CKMT2: variants seen among roughly 807,000 people sequenced by gnomAD.
CKMT2 encodes the protein creatine kinase S-type, mitochondrial.
CKMT2 carries 43 observed loss-of-function variants against 48.9 expected under a neutral mutation model. That is an observed-to-expected ratio of 0.88 (90% CI 0.69 to 1.13). The LOEUF (loss-of-function observed/expected upper bound fraction) is 1.13, where lower values mean the gene tolerates loss of function less well. CKMT2 is among the 50% of genes most tolerant of loss of function. The pLI, the probability that CKMT2 is intolerant of heterozygous loss-of-function variation, is 0.00. For synonymous variants in CKMT2, 206 were observed against 213.0 expected (o/e 0.97, Z 0.29); for missense variants, 472 against 555.4 (o/e 0.85, Z 1.51).
chr5:81,263,003 G>T (rs889150660), intron 8 of CKMT2, among the ~76,000 whole-genome samples: 1 of 152,212 alleles, frequency 6.6e-6, no homozygotes, highest in East Asian at 1.9e-4. Context: ...CCATAAAAAA[G>T]GATGAGTTCA....
chr5:81,252,578 T>A, intron 2 of CKMT2, 117 bp from the exon 3 acceptor site: 1 of 1,010,480 alleles, frequency 9.9e-7, no homozygotes, highest in Non-Finnish European at 1.5e-6. Flanking sequence ...TAGCCAAGTA[T>A]CCCTGTGCCC....
rs539493361 is a variant in CKMT2, at chr5:81,251,024, G to A, written c.-20-89G>A. On this transcript the variant is annotated intron_variant, in intron 1 of 9. Coordinates refer to ENST00000254035, the MANE Select transcript of CKMT2 (RefSeq NM_001099735.2). ...AGAGACACCGGAAAGAGAGGCTATG[G>A]CTCCTGCAGTTCTCTTGCCCATTGA... 8.0e-6 allele frequency: 7 copies of A among 870,608 alleles called. No homozygotes were observed. In the East Asian group the frequency reaches 1.5e-4, roughly 19 times the overall value. 53.9% of individuals were successfully genotyped at this position (870,608 alleles called of 1,614,324 possible).
chr5:81,260,387 G>A (rs6872504), intron 8 of CKMT2, among the ~76,000 whole-genome samples: 16,756 of 152,038 alleles, frequency 0.11, 1,017 homozygotes, highest in African/African-American at 0.14. Context: ...AACTGAAGGA[G>A]ATAGAGACAC....
At chr5:81,259,354 C>A in intron 8 of CKMT2, 100 bp downstream of exon 8, 1 of 1,022,608 alleles carries the variant, frequency 9.8e-7, no homozygotes, top group Non-Finnish European at 1.3e-6. Flanking sequence ...TTAACCCTTA[C>A]TTTCTCTATC....
intron 9 of CKMT2, among the ~76,000 whole-genome samples, chr5:81,263,928 T>A (rs1030039733): frequency 1.3e-5 from 2 of 152,348 alleles, no homozygotes; most frequent in East Asian, 3.9e-4. Flanking sequence ...GCTAAAGGAC[T>A]GCAGTTTTTT....
At chr5:81,251,325 G>GT (rs776537512) in intron 2 of CKMT2, 41 bp downstream of exon 2, 3 of 1,602,210 alleles carry the variant, frequency 1.9e-6, no homozygotes. Context: ...GGCCAGGCAC[G>GT]GTGGCTCATG....
intron 1 of CKMT2, among the ~76,000 whole-genome samples, chr5:81,234,712 A>G (rs11749113): frequency 0.08 from 12,210 of 152,266 alleles, 559 homozygotes; most frequent in Middle Eastern, 0.19. Flanking sequence ...GAAATGGGCC[A>G]TAGGCAGGTC....
intron 3 of CKMT2, among the ~76,000 whole-genome samples, chr5:81,253,424 C>T (rs1415652075): frequency 6.6e-6 from 1 of 152,206 alleles, no homozygotes; most frequent in Non-Finnish European, 1.5e-5. Flanking sequence ...ATGACCTCGG[C>T]ATCCTCATCC....
At chr5:81,257,936 G>GTAAC in intron 7 of CKMT2, 80 bp downstream of exon 7, 2 of 1,392,062 alleles carry the variant, frequency 1.4e-6, no homozygotes, top group Non-Finnish European at 1.9e-6. Context: ...AGACACTATG[G>GTAAC]TAACTTCCAA....
chr5:81,234,537 G>T (rs758871982), intron 1 of CKMT2, among the ~76,000 whole-genome samples: 1 of 152,126 alleles, frequency 6.6e-6, no homozygotes, highest in Non-Finnish European at 1.5e-5. Context: ...CTTGTTTGGC[G>T]GTCTGAGCAC....
rs953185544 is a variant in CKMT2 at position 81,234,044 on chromosome 5, A to C, written c.-21+667A>C. On this transcript the variant is annotated intron_variant, in intron 1 of 9. Transcript: ENST00000254035. Reference sequence around the variant, plus strand: ...ATTAAAAAAAAAAAAAAAAAAAAAAAAACCTATGGAATTGGCCCCACGTGT... The same window carrying C: ...ATTAAAAAAAAAAAAAAAAAAAAAACAACCTATGGAATTGGCCCCACGTGT... 2.3e-4 allele frequency among the ~76,000 whole-genome samples: 34 copies of C among 146,470 alleles called. 1 individual carries two copies. Among genetic ancestry groups the C allele is most frequent in the African/African-American group, 8.0e-4 (32 of 40,060 alleles).
At chr5:81,265,552 A>G (rs1415057336) in intron 9 of CKMT2, among the ~76,000 whole-genome samples, 1 of 152,238 alleles carries the variant, frequency 6.6e-6, no homozygotes, top group Non-Finnish European at 1.5e-5. Flanking sequence ...CTCTGGTTTA[A>G]GGAAAACAAA....
rs1238640228 is a variant in CKMT2 at position 81,252,900 on chromosome 5, C to T, written c.351+7C>T. The T allele has an allele frequency of 2.5e-6, 4 of 1,613,870 alleles. No individual in the cohort carries two copies. In the African/African-American group the frequency reaches 5.3e-5, roughly 22 times the overall value. On this transcript the variant is annotated splice_region_variant and intron_variant, in intron 3 of 9. Transcript: ENST00000254035. Reference sequence around the variant, plus strand: ...TGACGAGGAGTCCTATGAGGTAAAACTATTGGCTGCTGGTTCCAGGGTGGG... The same window carrying T: ...TGACGAGGAGTCCTATGAGGTAAAATTATTGGCTGCTGGTTCCAGGGTGGG...
At chr5:81,234,101 CTTGCTTGCTTGG>C (rs1026187981) in intron 1 of CKMT2, among the ~76,000 whole-genome samples, 1 of 130,136 alleles carries the variant, frequency 7.7e-6, no homozygotes, top group African/African-American at 3.0e-5. Context: ...TCTTCACTAG[CTTGCTTGCTTGG>C]TTGGTTGTCC....
At position 81,246,215 on chromosome 5, in the gene CKMT2, C is replaced by T. The variant is rs376149598; in HGVS notation, c.-20-4898C>T. ...GCTTGCAAGCACATCTGTAAATTTC[C>T]TCTGCACTAGGATAAAATCCAGACT... On this transcript the variant is annotated intron_variant, in intron 1 of 9. Coordinates refer to ENST00000254035, the MANE Select transcript of CKMT2 (RefSeq NM_001099735.2). Among the ~76,000 whole-genome samples, 16 of 151,530 alleles carry T rather than the reference C, an allele frequency of 1.1e-4. No individual in the cohort carries two copies. In the South Asian group the frequency reaches 3.2e-3, roughly 30 times the overall value.
chr5:81,249,993 A>G (rs1756749871), intron 1 of CKMT2, among the ~76,000 whole-genome samples: 1 of 152,186 alleles, frequency 6.6e-6, no homozygotes, highest in South Asian at 2.1e-4. Flanking sequence ...CACCTCTTGA[A>G]TCATGGATTC....
intron 8 of CKMT2, among the ~76,000 whole-genome samples, chr5:81,261,356 C>A (rs1378502126): frequency 6.6e-6 from 1 of 152,144 alleles, no homozygotes; most frequent in Non-Finnish European, 1.5e-5. Flanking sequence ...CTGGCCAGGG[C>A]AATCAGGCAA....
In CKMT2 at chr5:81,262,055, A is replaced by ATCTT. The variant is rs1757242210; in HGVS notation, c.1015-1434_1015-1431dup. On this transcript the variant is annotated intron_variant, in intron 8 of 9. Transcript: ENST00000254035. The stretch of plus-strand genomic sequence containing the variant: ...AACATCACACATCTACAACCATCTG[A>ATCTT]TCTTTGAAAAACCTGGCAAAAACTA... Among the ~76,000 whole-genome samples the ATCTT allele has an allele frequency of 2.0e-5, 3 of 152,198 alleles. No homozygotes were observed. The South Asian group carries it at 6.2e-4, about 31-fold the overall frequency.
intron 1 of CKMT2, among the ~76,000 whole-genome samples, chr5:81,249,999 G>A (rs542483602): frequency 1.3e-5 from 2 of 152,222 alleles, no homozygotes; most frequent in South Asian, 4.1e-4. Flanking sequence ...TTGAATCATG[G>A]ATTCTTTTAT....
Sources: allele counts gnomAD v4.1 joint callset (sites outside exome capture counted in the v4.1 genomes callset), GRCh38; gene constraint gnomAD v4.1.1; transcripts MANE v1.5; gene names NCBI Gene and HGNC (gene_info 2026-07-23, HGNC 2026-07-21).